CDYL: variants seen among roughly 807,000 people sequenced by gnomAD.
CDYL encodes the protein chromodomain Y-like protein.
In CDYL, 8 loss-of-function variants were observed where a neutral mutation model predicts 47.3. The observed-to-expected ratio is 0.17, with a 90% CI of 0.10 to 0.31. CDYL has a LOEUF of 0.31. CDYL is among the 10% of genes least tolerant of loss of function. CDYL has a pLI of 1.00. For missense variants in CDYL, 471 were observed against 701.4 expected, an observed-to-expected ratio of 0.67 and a Z score of 3.71; for synonymous variants, 266 against 265.0, an observed-to-expected ratio of 1.00 and a Z score of -0.04.
intron 1 of CDYL, among the ~76,000 whole-genome samples, chr6:4,886,134 C>T (rs1244553652): frequency 7.1e-6 from 1 of 139,872 alleles, no homozygotes; most frequent in Non-Finnish European, 1.5e-5. Context: ...CATTTTGTTA[C>T]TTACTCATCA....
At chr6:4,730,957 A>T (rs1757594541) in intron 2 of CDYL, among the ~76,000 whole-genome samples, 1 of 152,200 alleles carries the variant, frequency 6.6e-6, no homozygotes, top group African/African-American at 2.4e-5. Flanking sequence ...AAAAGTTAAA[A>T]GTGGTTGTTT....
At chr6:4,777,829 A>G (rs1453467637) in intron 1 of CDYL, among the ~76,000 whole-genome samples, 1 of 152,126 alleles carries the variant, frequency 6.6e-6, no homozygotes, top group African/African-American at 2.4e-5. Flanking sequence ...GTTGTCTGCG[A>G]TGTTAGTCTT....
intron 2 of CDYL, among the ~76,000 whole-genome samples, chr6:4,912,936 A>C (rs894737656): frequency 1.3e-5 from 2 of 152,196 alleles, no homozygotes; most frequent in Admixed American, 6.5e-5. Context: ...ACTGGGGGTT[A>C]CATTTCAGGA....
intron 3 of CDYL, among the ~76,000 whole-genome samples, chr6:4,743,213 G>A (rs938553837): frequency 5.3e-5 from 8 of 152,130 alleles, no homozygotes; most frequent in South Asian, 4.1e-4. Context: ...CCATTGTCTG[G>A]CAAGGAACCT....
chr6:4,735,904 AT>A (rs1310277001), intron 3 of CDYL, among the ~76,000 whole-genome samples: 2 of 37,360 alleles, frequency 5.4e-5, no homozygotes, highest in Non-Finnish European at 1.8e-4. Flanking sequence ...TGTGCACGTG[AT>A]GGGGGGGGGT....
Position 4,859,807 on chromosome 6 carries a change from A to C in CDYL, c.25-31906A>C, listed in dbSNP as rs568019990. On this transcript the variant is annotated intron_variant, in intron 1 of 6. Coordinates refer to ENST00000397588, the MANE Select transcript of CDYL (RefSeq NM_004824.4). ...TTCTCTGAACACCTCACCTGACTGC[A>C]GGCAGACAGCTCTGAGTGGCTGCCT... Among the ~76,000 whole-genome samples the C allele has an allele frequency of 1.4e-4, 21 of 152,290 alleles. No homozygotes were observed. The South Asian group carries it at 4.4e-3, about 32-fold the overall frequency.
intron 2 of CDYL, among the ~76,000 whole-genome samples, chr6:4,918,972 A>G (rs983371678): frequency 2.0e-5 from 3 of 152,222 alleles, no homozygotes; most frequent in African/African-American, 4.8e-5. Context: ...ATCTATAAGT[A>G]TGGGCCTTTA....
At chr6:4,944,051 C>A (rs1758441311) in intron 5 of CDYL, among the ~76,000 whole-genome samples, 1 of 152,260 alleles carries the variant, frequency 6.6e-6, no homozygotes, top group East Asian at 1.9e-4. Flanking sequence ...AGTTCTTCAC[C>A]TAATAACTTA....
chr6:4,744,140 G>A lies in CDYL; in HGVS notation c.186+9296G>A, dbSNP rs1172622924. ...CAGGACGAAGGTCAGATGGGAGTTG[G>A]GAAGGAGAGTGTCGAGGGAAGCCAT... is the stretch of plus-strand genomic sequence containing the variant. On this transcript the variant is annotated intron_variant, in intron 3 of 8. Transcript: ENST00000328908. Among the ~76,000 whole-genome samples, 3 of 152,162 alleles carry A rather than the reference G, an allele frequency of 2.0e-5. No homozygotes were observed. In the South Asian group the frequency reaches 6.2e-4, roughly 32 times the overall value.
rs542932591 is a variant in CDYL at position 4,864,553 on chromosome 6, A to G, written c.25-27160A>G. Among the ~76,000 whole-genome samples the G allele has an allele frequency of 3.3e-4, 51 of 152,280 alleles. 1 individual carries two copies. Among genetic ancestry groups the G allele is most frequent in the Admixed American group, 3.1e-3 (47 of 15,308 alleles). On this transcript the variant is annotated intron_variant, in intron 1 of 6. Transcript: ENST00000397588. ...CCACCCAAACCTCAACTTGAATTGTATCTCCCAGAATTCCTACGTGTTGTG... is the reference window on the plus strand; with the variant it reads ...CCACCCAAACCTCAACTTGAATTGTGTCTCCCAGAATTCCTACGTGTTGTG...
At chr6:4,801,076 C>T (rs995615141) in intron 1 of CDYL, among the ~76,000 whole-genome samples, 2 of 152,196 alleles carry the variant, frequency 1.3e-5, no homozygotes, top group East Asian at 3.8e-4. Flanking sequence ...TCATTCATCT[C>T]TTTCTCTTTA....
intron 3 of CDYL, among the ~76,000 whole-genome samples, chr6:4,758,960 T>C (rs995542688): frequency 6.7e-6 from 1 of 149,012 alleles, no homozygotes; most frequent in African/African-American, 2.6e-5. Flanking sequence ...TCACCCAGTT[T>C]TCTTTTTCTT....
chr6:4,875,223 A>T (rs1417238448), intron 1 of CDYL, among the ~76,000 whole-genome samples: 1 of 152,018 alleles, frequency 6.6e-6, no homozygotes, highest in Non-Finnish European at 1.5e-5. Flanking sequence ...CTGTAGTAAG[A>T]CTTGAATTTC....
chr6:4,715,595 C>T, intron 1 of CDYL: 1 of 674,544 alleles, frequency 1.5e-6, no homozygotes, highest in Non-Finnish European at 2.4e-6. Context: ...TGCTTACTGA[C>T]ATTTATTGCT....
chr6:4,865,668 A>G (rs189864236), intron 1 of CDYL, among the ~76,000 whole-genome samples: 1 of 152,382 alleles, frequency 6.6e-6, no homozygotes, highest in East Asian at 1.9e-4. Context: ...AGAGATGATC[A>G]GATTGGATAA....
chr6:4,822,183 C>CG (rs1478690164), intron 1 of CDYL, among the ~76,000 whole-genome samples: 3 of 151,128 alleles, frequency 2.0e-5, no homozygotes, highest in African/African-American at 7.3e-5. Context: ...ATGGGGTTGG[C>CG]GGGGGGCATC....
At chr6:4,769,281 T>C (rs1482311131) in intron 3 of CDYL, among the ~76,000 whole-genome samples, 1 of 152,230 alleles carries the variant, frequency 6.6e-6, no homozygotes, top group Non-Finnish European at 1.5e-5. Context: ...CTCTCTACTA[T>C]ATATGCAATT....
chr6:4,833,414 T>C (rs1760204128), intron 1 of CDYL, among the ~76,000 whole-genome samples: 1 of 152,000 alleles, frequency 6.6e-6, no homozygotes, highest in Non-Finnish European at 1.5e-5. Flanking sequence ...GAGTTCTAGT[T>C]TGATTGCACT....
chr6:4,740,515 C>T (rs1327928905), intron 3 of CDYL, among the ~76,000 whole-genome samples: 1 of 152,106 alleles, frequency 6.6e-6, no homozygotes, highest in Non-Finnish European at 1.5e-5. Context: ...GTTGAGAAAC[C>T]CAATGTAAGC....
Sources: gnomAD v4.1 joint callset for allele counts (sites outside exome capture counted in the v4.1 genomes callset) on GRCh38, gnomAD v4.1.1 for gene constraint, MANE v1.5 for transcripts, NCBI Gene and HGNC (gene_info 2026-07-23, HGNC 2026-07-21) for gene names.